Variants in NRDC observed in about 807,000 individuals in gnomAD.
NRDC encodes nardilysin convertase, also known as nardilysin.
NRDC carries 54 observed loss-of-function variants against 147.1 expected under a neutral mutation model. The ratio of observed to expected loss-of-function variants is 0.37; its 90% CI spans 0.29 to 0.46. NRDC has a LOEUF of 0.46. Among genes scored for constraint, NRDC ranks in the 20% least tolerant of loss-of-function variants. NRDC has a pLI of 1.00. For synonymous variants in NRDC, 440 were observed against 482.1 expected (o/e 0.91, Z 1.14); for missense variants, 1,082 against 1,370.6 (o/e 0.79, Z 3.33).
intron 17 of NRDC, among the ~76,000 whole-genome samples, chr1:51,807,857 G>T (rs1409787828): frequency 6.7e-6 from 1 of 148,330 alleles, no homozygotes; most frequent in Non-Finnish European, 1.5e-5. Flanking sequence ...CCAGGCTGGA[G>T]TGCAATGGTG....
chr1:51,816,913 TACTC>T (rs1679993980), intron 10 of NRDC, among the ~76,000 whole-genome samples: 2 of 152,174 alleles, frequency 1.3e-5, no homozygotes, highest in South Asian at 4.1e-4. Context: ...CCCAACTACT[TACTC>T]ACAGAGTTTT....
Position 51,818,094 on chromosome 1 carries a change from C to T in NRDC, c.1333G>A (p.Ala445Thr). The change falls in exon 10 of 31, where the codon GCA becomes ACA. Residue 445 changes from alanine (A) to threonine (T), a missense_variant. By Grantham distance (58) the Ala-to-Thr change is moderately conservative. Transcript: ENST00000352171. ...RKIHALTITW[A>T]LPPQQQHYRV... ...TAATGTTGCTGTTGAGGAGGAAGTG[C>T]CCATGTGATGGTCAGAGCATGAATT... The T allele has an allele frequency of 1.2e-6, 2 of 1,605,748 alleles. No homozygotes were observed. The highest frequency in any genetic ancestry group is 1.7e-6 in the Non-Finnish European group (2 of 1,177,688).
chr1:51,815,468 G>A (rs149756908), intron 11 of NRDC, among the ~76,000 whole-genome samples: 12 of 151,918 alleles, frequency 7.9e-5, no homozygotes, highest in African/African-American at 2.9e-4. Context: ...ACCTTTCCCT[G>A]ACTAGATTAA....
chr1:51,845,986 A>G (rs1681547937), intron 1 of NRDC, among the ~76,000 whole-genome samples: 1 of 152,222 alleles, frequency 6.6e-6, no homozygotes, highest in South Asian at 2.1e-4. Flanking sequence ...TATGTGTACA[A>G]CATGTATCCA....
chr1:51,796,346 C>T (rs943014951), intron 22 of NRDC, among the ~76,000 whole-genome samples: 1 of 151,322 alleles, frequency 6.6e-6, no homozygotes, highest in East Asian at 1.9e-4. Flanking sequence ...TCAAGTGATT[C>T]TTCTGCCTCA....
intron 1 of NRDC, among the ~76,000 whole-genome samples, chr1:51,871,076 G>A (rs888793523): frequency 6.6e-6 from 1 of 152,018 alleles, no homozygotes; most frequent in Admixed American, 6.6e-5. Flanking sequence ...CAGCACTTTG[G>A]GAGGCTGAGA....
chr1:51,817,955 C>A (rs989056654), intron 10 of NRDC, 111 bp downstream of exon 10: 1 of 726,988 alleles, frequency 1.4e-6, no homozygotes, highest in African/African-American at 1.8e-5. Context: ...TTCCAGGTTA[C>A]CGTATTGCTA....
intron 1 of NRDC, among the ~76,000 whole-genome samples, chr1:51,877,700 C>A (rs894700855): frequency 6.6e-6 from 1 of 152,128 alleles, no homozygotes; most frequent in African/African-American, 2.4e-5. Flanking sequence ...GAGACCTAAG[C>A]CCTCTCTAAT....
At chr1:51,825,484 T>A in intron 5 of NRDC, 102 bp from the exon 6 acceptor site, 1 of 875,508 alleles carries the variant, frequency 1.1e-6, no homozygotes, top group Non-Finnish European at 1.8e-6. Context: ...TTAACAAAAT[T>A]AACTTCATGA....
intron 10 of NRDC, 34 bp from the exon 11 acceptor site, chr1:51,816,423 A>C: frequency 7.4e-7 from 1 of 1,354,676 alleles, no homozygotes; most frequent in South Asian, 1.4e-5. Context: ...GAAGAAAAAA[A>C]CAAAAGGTAT....
chr1:51,868,498 A>G (rs1175052581), intron 1 of NRDC, among the ~76,000 whole-genome samples: 1 of 152,226 alleles, frequency 6.6e-6, no homozygotes, highest in Non-Finnish European at 1.5e-5. Flanking sequence ...AGAGAATACA[A>G]TCCATTTATA....
chr1:51,795,075 C>A, intron 22 of NRDC: 2 of 1,455,988 alleles, frequency 1.4e-6, no homozygotes, highest in Non-Finnish European at 1.8e-6. Context: ...GCTCTCTTGG[C>A]AATCTGTTTA....
rs75340279 is a variant in NRDC at position 51,828,032 on chromosome 1, T to C, written c.867-163A>G. Among the ~76,000 whole-genome samples, 1,331 of 152,352 alleles carry C rather than the reference T, an allele frequency of 8.7e-3. 23 individuals are homozygous for C. Among genetic ancestry groups the C allele is most frequent in the African/African-American group, 0.031 (1,272 of 41,580 alleles). On this transcript the variant is annotated intron_variant, in intron 4 of 30. Transcript: ENST00000352171. ...TCTATATTTTAAACTAATATCTACA[T>C]GTTACTTTAACTTTTTCATTGTGAA...
chr1:51,815,688 A>T (rs1679939107), intron 11 of NRDC, among the ~76,000 whole-genome samples: 1 of 152,238 alleles, frequency 6.6e-6, no homozygotes, highest in African/African-American at 2.4e-5. Context: ...TGTCTTAAAA[A>T]TACTTATTTA....
intron 1 of NRDC, among the ~76,000 whole-genome samples, chr1:51,846,393 C>T (rs1452331643): frequency 6.6e-6 from 1 of 152,216 alleles, no homozygotes; most frequent in African/African-American, 2.4e-5. Context: ...GAATTACAGA[C>T]ATGAGCCACC....
chr1:51,789,316 C>T lies in NRDC; in HGVS notation c.3376G>A (p.Asp1126Asn), dbSNP rs553853671. The T allele has an allele frequency of 2.1e-4, 336 of 1,614,154 alleles. 6 individuals carry two copies. In the South Asian group the frequency reaches 3.1e-3, roughly 15 times the overall value. The change falls in exon 31 of 31, where the codon GAT becomes AAT. Residue 1126 changes from aspartate to asparagine, a missense_variant. Physicochemically the swap from Asp to Asn is conservative, Grantham distance 23 (BLOSUM62 1). This residue lies in a region of NRDC where 187 missense variants were observed against 193.6 expected (regional missense o/e 0.97). Coordinates refer to ENST00000352171, the MANE Select transcript of NRDC (RefSeq NM_001101662.2). ...TYLPTSPLLA[D>N]CIIPITDIRA... ...ATATCAGTAATGGGGATGATACAAT[C>T]TGCCAGCAGAGGAGAGGTTGGCAGG...
At chr1:51,791,164 AAG>A (rs1678629074) in intron 27 of NRDC, among the ~76,000 whole-genome samples, 174 bp from the exon 28 acceptor site, 1 of 152,226 alleles carries the variant, frequency 6.6e-6, no homozygotes, top group Non-Finnish European at 1.5e-5. Flanking sequence ...TGAGGACAGA[AAG>A]AGAAAGAACC....
intron 4 of NRDC, among the ~76,000 whole-genome samples, chr1:51,833,680 C>G (rs1431434563): frequency 6.6e-6 from 1 of 152,054 alleles, no homozygotes. Flanking sequence ...GTGACTGTAG[C>G]TCACTACAGC....
At chr1:51,849,213 C>T (rs886593344) in intron 1 of NRDC, among the ~76,000 whole-genome samples, 25 of 151,858 alleles carry the variant, frequency 1.6e-4, no homozygotes, top group African/African-American at 5.8e-4. Flanking sequence ...AGTGAAACCC[C>T]GTCTCTACTA....
Sources: allele counts gnomAD v4.1 joint callset (sites outside exome capture counted in the v4.1 genomes callset), GRCh38; gene constraint gnomAD v4.1.1; regional missense constraint gnomAD v4.1.1; transcripts MANE v1.5; gene names NCBI Gene and HGNC (gene_info 2026-07-23, HGNC 2026-07-21).